The following CNTNAP5 variants were observed in gnomAD, a reference collection of about 807,000 sequenced individuals.
CNTNAP5 encodes the protein contactin-associated protein-like 5.
A neutral mutation model predicts 150.2 loss-of-function variants in CNTNAP5; 72 were observed. The observed-to-expected ratio is 0.48, with a 90% CI of 0.40 to 0.58. The LOEUF is 0.58. Ranked by LOEUF, CNTNAP5 falls within the 20% of genes least tolerant of loss-of-function variation. CNTNAP5 has a pLI of 0.00. For missense variants in CNTNAP5, 1,636 were observed against 1,626.2 expected (o/e 1.01, Z -0.10); for synonymous variants, 672 against 619.8 (o/e 1.08, Z -1.25).
intron 13 of CNTNAP5, among the ~76,000 whole-genome samples, chr2:124,724,133 G>A (rs868768528): frequency 6.9e-6 from 1 of 145,422 alleles, no homozygotes; most frequent in Non-Finnish European, 1.5e-5. Flanking sequence ...GACAGAGGGA[G>A]ACTCCATCTC....
intron 3 of CNTNAP5, among the ~76,000 whole-genome samples, chr2:124,334,599 A>C (rs538641412): frequency 1.3e-5 from 2 of 152,290 alleles, no homozygotes; most frequent in Non-Finnish European, 2.9e-5. Context: ...TTTTTACTTT[A>C]AACTGAACTG....
At chr2:124,349,899 T>TTTTTTTTTTTG (rs1553460408) in intron 3 of CNTNAP5, among the ~76,000 whole-genome samples, 1 of 115,292 alleles carries the variant, frequency 8.7e-6, no homozygotes, top group Non-Finnish European at 1.8e-5. Flanking sequence ...TTTTTTTTTT[T>TTTTTTTTTTTG]TTTGAGACAG....
chr2:124,142,089 A>C (rs1412289495), intron 1 of CNTNAP5, among the ~76,000 whole-genome samples: 1 of 147,944 alleles, frequency 6.8e-6, no homozygotes, highest in East Asian at 2.0e-4. Flanking sequence ...AGAGGCGCTA[A>C]CTATCCTAAA....
At chr2:124,154,563 C>G (rs1006427330) in intron 1 of CNTNAP5, among the ~76,000 whole-genome samples, 9 of 152,076 alleles carry the variant, frequency 5.9e-5, no homozygotes, top group African/African-American at 2.2e-4. Context: ...CTCTGTCCTG[C>G]CACATGATGG....
intron 3 of CNTNAP5, among the ~76,000 whole-genome samples, chr2:124,271,658 A>AAGCT (rs1687755628): frequency 7.1e-6 from 1 of 141,426 alleles, no homozygotes; most frequent in Non-Finnish European, 1.5e-5. Context: ...GTTTTTTTTT[A>AAGCT]ATCTATCTAT....
chr2:124,855,762 A>G (rs1012945867), intron 19 of CNTNAP5, among the ~76,000 whole-genome samples: 1 of 152,138 alleles, frequency 6.6e-6, no homozygotes, highest in Admixed American at 6.6e-5. Context: ...GTATTTGGTT[A>G]CATGAATAAG....
At chr2:124,735,879 C>G (rs576041563) in intron 13 of CNTNAP5, among the ~76,000 whole-genome samples, 4 of 152,076 alleles carry the variant, frequency 2.6e-5, no homozygotes. Context: ...GTTAGTGTTA[C>G]GGATATCCAA....
intron 2 of CNTNAP5, among the ~76,000 whole-genome samples, chr2:124,234,201 A>G (rs1686691536): frequency 1.3e-5 from 2 of 152,146 alleles, no homozygotes; most frequent in African/African-American, 4.8e-5. Context: ...GGTATACATA[A>G]TCCACTAGAA....
intron 1 of CNTNAP5, among the ~76,000 whole-genome samples, chr2:124,163,793 T>C (rs1213241567): frequency 6.6e-6 from 1 of 152,132 alleles, no homozygotes; most frequent in Admixed American, 6.5e-5. Context: ...AAATAACATT[T>C]ACTCTTCTTC....
At chr2:124,814,383 C>T (rs550617430) in intron 19 of CNTNAP5, among the ~76,000 whole-genome samples, 63 of 152,032 alleles carry the variant, frequency 4.1e-4, no homozygotes, top group Non-Finnish European at 8.5e-4. Context: ...ACTGAGCTTT[C>T]TGTATCAGTC....
intron 13 of CNTNAP5, among the ~76,000 whole-genome samples, chr2:124,693,536 A>T (rs369391371): frequency 1.8e-4 from 28 of 152,258 alleles, no homozygotes; most frequent in African/African-American, 6.3e-4. Context: ...TTTTTCTGAA[A>T]TTAGAATGGT....
chr2:124,061,914 C>G (rs1682019446), intron 1 of CNTNAP5, among the ~76,000 whole-genome samples: 1 of 152,116 alleles, frequency 6.6e-6, no homozygotes, highest in Admixed American at 6.6e-5. Context: ...TCTTCATGAT[C>G]CTACTATCCA....
intron 1 of CNTNAP5, among the ~76,000 whole-genome samples, chr2:124,122,013 G>C (rs773901258): frequency 6.6e-6 from 1 of 152,120 alleles, no homozygotes; most frequent in East Asian, 1.9e-4. Context: ...TCTACTGGAG[G>C]TTTCATACCA....
intron 1 of CNTNAP5, among the ~76,000 whole-genome samples, chr2:124,029,075 A>T (rs1680971301): frequency 1.3e-5 from 2 of 152,108 alleles, no homozygotes; most frequent in South Asian, 4.1e-4. Flanking sequence ...AATGATTTCC[A>T]TGTGCAGTAT....
chr2:124,312,322 A>C (rs1688849427), intron 3 of CNTNAP5, among the ~76,000 whole-genome samples: 1 of 152,268 alleles, frequency 6.6e-6, no homozygotes, highest in East Asian at 1.9e-4. Flanking sequence ...CAGAATTCTT[A>C]GTGATGAGTT....
At chr2:124,569,946 T>C (rs1696114082) in intron 11 of CNTNAP5, among the ~76,000 whole-genome samples, 2 of 152,230 alleles carry the variant, frequency 1.3e-5, no homozygotes, top group African/African-American at 4.8e-5. Context: ...ACTATAAACC[T>C]ATTTAGGTGA....
chr2:124,042,879 A>G (rs1020832693), intron 1 of CNTNAP5, among the ~76,000 whole-genome samples: 1 of 152,082 alleles, frequency 6.6e-6, no homozygotes, highest in Admixed American at 6.5e-5. Context: ...GAAGTTGCCT[A>G]TGCTTTGGAG....
Position 124,700,310 on chromosome 2 carries a change from A to G in CNTNAP5, c.2078-46919A>G, listed in dbSNP as rs139831518. On this transcript the variant is annotated intron_variant, in intron 13 of 23. Coordinates refer to ENST00000682447, the MANE Select transcript of CNTNAP5 (RefSeq NM_001367498.1). ...TTTATACTATTTGGATCTTATGAAT[A>G]ATGCTGCTATGAATATCACTACAAG... is the stretch of plus-strand genomic sequence containing the variant. Among the ~76,000 whole-genome samples the G allele has an allele frequency of 1.9e-3, 283 of 152,308 alleles. 2 individuals are homozygous for G. Among genetic ancestry groups the G allele is most frequent in the African/African-American group, 6.4e-3 (268 of 41,578 alleles).
chr2:124,299,163 C>G (rs564370001), intron 3 of CNTNAP5, among the ~76,000 whole-genome samples: 1 of 152,282 alleles, frequency 6.6e-6, no homozygotes, highest in African/African-American at 2.4e-5. Context: ...AGGTTCCACG[C>G]AGGAAGAGGA....
Sources: gnomAD v4.1 joint callset for allele counts (sites outside exome capture counted in the v4.1 genomes callset) on GRCh38, gnomAD v4.1.1 for gene constraint, MANE v1.5 for transcripts, NCBI Gene and HGNC (gene_info 2026-07-23, HGNC 2026-07-21) for gene names.